Variants in PTPN12 observed in about 807,000 individuals in gnomAD.
PTPN12 encodes protein tyrosine phosphatase non-receptor type 12, also known as tyrosine-protein phosphatase non-receptor type 12.
PTPN12 carries 29 observed loss-of-function variants against 97.6 expected under a neutral mutation model. The ratio of observed to expected loss-of-function variants is 0.30; its 90% CI spans 0.22 to 0.41. The LOEUF (loss-of-function observed/expected upper bound fraction) is 0.41. PTPN12 is among the 10% of genes least tolerant of loss of function. PTPN12 has a pLI of 1.00. For missense variants in PTPN12, 819 were observed against 926.0 expected (o/e 0.88, Z 1.50); for synonymous variants, 327 against 300.4 (o/e 1.09, Z -0.91).
chr7:77,549,817 G>T (rs145447908), intron 1 of PTPN12, among the ~76,000 whole-genome samples: 2,907 of 152,098 alleles, frequency 0.019, 84 homozygotes, highest in African/African-American at 0.065. Flanking sequence ...CTGGCCTAAA[G>T]CAATCCTTCC....
intron 17 of PTPN12, chr7:77,638,966 G>T: frequency 1.3e-6 from 1 of 773,562 alleles, no homozygotes; most frequent in South Asian, 2.9e-5. Flanking sequence ...AAATTATCAT[G>T]GATATTTTTC....
chr7:77,537,471 G>T lies in PTPN12; in HGVS notation c.-76G>T. On this transcript the variant is annotated 5_prime_UTR_variant, in exon 1 of 18. Coordinates refer to ENST00000248594, the MANE Select transcript of PTPN12 (RefSeq NM_002835.4). Reference sequence around the variant, plus strand: ...GGACGTGCTGGGGGAACGAGCTGGGGAAGACGGAGCGGGCTCTGTGCCGGG... The same window carrying T: ...GGACGTGCTGGGGGAACGAGCTGGGTAAGACGGAGCGGGCTCTGTGCCGGG... 1 of 1,352,732 alleles carries T rather than the reference G, an allele frequency of 7.4e-7. No homozygotes were observed. The allele number at this position is 1,352,732 out of a possible 1,614,324, so 83.8% of individuals were successfully genotyped here.
At chr7:77,611,067 A>G (rs1201714293) in intron 11 of PTPN12, 21 bp downstream of exon 11, 7 of 1,554,124 alleles carry the variant, frequency 4.5e-6, no homozygotes, top group Non-Finnish European at 5.3e-6. Flanking sequence ...TTGGTCTATT[A>G]ATTTTAGGAA....
intron 1 of PTPN12, among the ~76,000 whole-genome samples, chr7:77,540,647 CTTT>C (rs77085606): frequency 1.4e-5 from 2 of 139,124 alleles, no homozygotes; most frequent in African/African-American, 2.6e-5. Context: ...TTTTATAGGG[CTTT>C]TTTTTTTTTT....
chr7:77,628,927 T>G (rs190440277), intron 13 of PTPN12, among the ~76,000 whole-genome samples: 6 of 152,286 alleles, frequency 3.9e-5, no homozygotes, highest in Admixed American at 2.6e-4. Context: ...ATTTTTTAAC[T>G]TGAGAGAGTG....
intron 3 of PTPN12, among the ~76,000 whole-genome samples, chr7:77,582,861 TTC>T (rs1787567399): frequency 6.6e-6 from 1 of 152,156 alleles, no homozygotes; most frequent in Non-Finnish European, 1.5e-5. Context: ...AAATAAAAAT[TTC>T]TTTTTTTAAC....
At chr7:77,568,643 T>C (rs947577541) in intron 1 of PTPN12, among the ~76,000 whole-genome samples, 1 of 152,156 alleles carries the variant, frequency 6.6e-6, no homozygotes, top group Admixed American at 6.5e-5. Flanking sequence ...ACTCCGTCTG[T>C]GAATGAGTGA....
intron 16 of PTPN12, among the ~76,000 whole-genome samples, chr7:77,637,599 A>G (rs1441641366): frequency 4.6e-5 from 7 of 152,210 alleles, no homozygotes; most frequent in Non-Finnish European, 8.8e-5. Flanking sequence ...GCTCACACCT[A>G]TAATCCCAGC....
intron 1 of PTPN12, among the ~76,000 whole-genome samples, chr7:77,566,590 G>A (rs916862233): frequency 2.6e-5 from 4 of 152,206 alleles, no homozygotes; most frequent in East Asian, 1.9e-4. Flanking sequence ...GTGGCGGTGC[G>A]TGCCTATAGT....
intron 14 of PTPN12, among the ~76,000 whole-genome samples, chr7:77,633,218 C>T (rs565049822): frequency 6.6e-5 from 10 of 151,354 alleles, no homozygotes; most frequent in African/African-American, 1.9e-4. Context: ...TGCAGTGAGC[C>T]GAGATCACAC....
At position 77,627,048 on chromosome 7, in the gene PTPN12, A is replaced by C. The variant is rs145330429; in HGVS notation, c.1369A>C (p.Asn457His). 64 of 1,613,474 alleles carry C rather than the reference A, an allele frequency of 4.0e-5. No individual in the cohort carries two copies. Among genetic ancestry groups the C allele is most frequent in the Non-Finnish European group, 5.3e-5 (63 of 1,179,748 alleles). ...AAGTTTTGATGGGAACACACTTTTG[A>C]ATAGGGGACATGCAATTAAAATTAA... ...PKSFDGNTLL[N>H]RGHAIKIKSA... is the part of the protein sequence containing the mutation. Residue 457 changes from asparagine (N) to histidine (H), a missense_variant, in exon 13 of 18, where the codon AAT (asparagine) becomes CAT (histidine). Physicochemically the swap from Asn to His is moderately conservative, Grantham distance 68. This residue lies in a region of PTPN12 where 607 missense variants were observed against 577.3 expected (regional missense o/e 1.05). Transcript: ENST00000248594.
chr7:77,582,943 G>A (rs983346457), intron 3 of PTPN12, among the ~76,000 whole-genome samples: 2 of 152,052 alleles, frequency 1.3e-5, no homozygotes, highest in Admixed American at 1.3e-4. Flanking sequence ...TTCAGATGTT[G>A]TCAATGTTCA....
chr7:77,573,402 C>T (rs886697641), intron 2 of PTPN12, among the ~76,000 whole-genome samples: 10 of 151,304 alleles, frequency 6.6e-5, no homozygotes, highest in Non-Finnish European at 1.0e-4. Context: ...CTTCTCACTG[C>T]ACTTCACATG....
At chr7:77,566,280 ATAAT>A (rs1216424547) in intron 1 of PTPN12, among the ~76,000 whole-genome samples, 2 of 152,234 alleles carry the variant, frequency 1.3e-5, no homozygotes, top group Non-Finnish European at 2.9e-5. Flanking sequence ...AACATATCTT[ATAAT>A]TAAAGATTTG....
chr7:77,584,387 C>G (rs1787619465), intron 4 of PTPN12, among the ~76,000 whole-genome samples: 1 of 152,118 alleles, frequency 6.6e-6, no homozygotes, highest in Non-Finnish European at 1.5e-5. Context: ...ACTTTAAAAA[C>G]TAGATGTGCT....
At chr7:77,558,894 T>G (rs1417240764) in intron 1 of PTPN12, among the ~76,000 whole-genome samples, 1 of 152,074 alleles carries the variant, frequency 6.6e-6, no homozygotes, top group Non-Finnish European at 1.5e-5. Context: ...ACCTGTGTAG[T>G]CTTAGCTACT....
chr7:77,569,851 A>G (rs1808402152), intron 1 of PTPN12, among the ~76,000 whole-genome samples: 1 of 152,212 alleles, frequency 6.6e-6, no homozygotes, highest in African/African-American at 2.4e-5. Context: ...TCTGGAGGAC[A>G]AAGTTGTAGA....
At chr7:77,541,544 G>C (rs952061632) in intron 1 of PTPN12, among the ~76,000 whole-genome samples, 9 of 152,282 alleles carry the variant, frequency 5.9e-5, no homozygotes, top group East Asian at 1.9e-4. Flanking sequence ...CTTCCCAGGA[G>C]TACTAGGTAG....
intron 2 of PTPN12, among the ~76,000 whole-genome samples, chr7:77,575,684 T>A (rs1318218601): frequency 2.6e-5 from 4 of 152,194 alleles, no homozygotes; most frequent in African/African-American, 7.2e-5. Context: ...TATAGAGTTT[T>A]GCAACAATTA....
Sources: gnomAD v4.1 joint callset for allele counts (sites outside exome capture counted in the v4.1 genomes callset) on GRCh38, gnomAD v4.1.1 for gene constraint, gnomAD v4.1.1 regional missense constraint, MANE v1.5 for transcripts, NCBI Gene and HGNC (gene_info 2026-07-23, HGNC 2026-07-21) for gene names.